HK2: variants seen among roughly 807,000 people sequenced by gnomAD.
HK2 encodes the protein hexokinase 2.
A neutral mutation model predicts 92.9 loss-of-function variants in HK2; 42 were observed. The ratio of observed to expected loss-of-function variants is 0.45; its 90% CI spans 0.35 to 0.58. The LOEUF is 0.58. HK2 is among the 20% of genes least tolerant of loss of function. HK2 has a pLI of 0.00. For synonymous variants in HK2, 422 were observed against 468.0 expected, an observed-to-expected ratio of 0.90 and a Z score of 1.27; for missense variants, 978 against 1,245.1, an observed-to-expected ratio of 0.79 and a Z score of 3.23.
intron 3 of HK2, among the ~76,000 whole-genome samples, chr2:74,868,818 G>T (rs189247212): frequency 4.3e-4 from 66 of 152,232 alleles, no homozygotes; most frequent in African/African-American, 1.5e-3. Context: ...GACTTGTAAC[G>T]TGATGGTGAC....
At chr2:74,880,934 G>T (rs947471876) in intron 10 of HK2, among the ~76,000 whole-genome samples, 2 of 152,246 alleles carry the variant, frequency 1.3e-5, no homozygotes, top group Non-Finnish European at 2.9e-5. Context: ...ACTAGAAAAT[G>T]TCGGAGCTGG....
At chr2:74,879,898 C>T (rs1689338724) in intron 9 of HK2, among the ~76,000 whole-genome samples, 1 of 152,214 alleles carries the variant, frequency 6.6e-6, no homozygotes, top group Non-Finnish European at 1.5e-5. Flanking sequence ...ATCAGAACCA[C>T]CTAATACCAC....
intron 9 of HK2, among the ~76,000 whole-genome samples, chr2:74,879,713 C>T (rs1464395583): frequency 6.6e-6 from 1 of 152,218 alleles, no homozygotes; most frequent in African/African-American, 2.4e-5. Flanking sequence ...GGCCACTACC[C>T]AGAGAGTTCC....
At position 74,873,836 on chromosome 2, in the gene HK2, C is replaced by T; in HGVS notation, c.592-8C>T. ...TGAAGGTCAGAGCCCTCCCATTTGT[C>T]TCCACAGGACTTTGATATCGACATT... On this transcript the variant is annotated splice_region_variant and splice_polypyrimidine_tract_variant and intron_variant, in intron 5 of 17. Transcript: ENST00000290573. 1.9e-6 allele frequency: 3 copies of T among 1,609,372 alleles called. No individual in the cohort carries two copies. The highest frequency in any genetic ancestry group is 1.7e-6 in the Non-Finnish European group (2 of 1,175,796).
intron 16 of HK2, among the ~76,000 whole-genome samples, 187 bp downstream of exon 16, chr2:74,888,245 G>A (rs758759335): frequency 2.0e-5 from 3 of 152,228 alleles, no homozygotes; most frequent in Non-Finnish European, 1.5e-5. Context: ...GGCAAACAGA[G>A]CATTCTCATG....
intron 1 of HK2, among the ~76,000 whole-genome samples, chr2:74,839,736 C>T (rs1348905294): frequency 6.6e-6 from 1 of 151,654 alleles, no homozygotes; most frequent in Non-Finnish European, 1.5e-5. Context: ...TGGCTCACTG[C>T]AACCTCCACC....
At chr2:74,841,041 C>G (rs1558786658) in intron 1 of HK2, among the ~76,000 whole-genome samples, 1 of 152,136 alleles carries the variant, frequency 6.6e-6, no homozygotes, top group Non-Finnish European at 1.5e-5. Context: ...GCAGTTTTCT[C>G]AGCCTTGGTG....
intron 17 of HK2, among the ~76,000 whole-genome samples, chr2:74,889,952 T>A (rs1689635793): frequency 6.6e-6 from 1 of 152,082 alleles, no homozygotes; most frequent in Non-Finnish European, 1.5e-5. Context: ...CCTTTGAGTA[T>A]GTTGTTTTTT....
chr2:74,893,032 CTTTT>C lies in HK2; in HGVS notation c.*2104_*2107del, dbSNP rs58293122. ...ATTAGGTACTATCTGTGAAGTTACA[CTTTT>C]TTTTTTTTTTTTAAAGGTAGAGATG... On this transcript the variant is annotated 3_prime_UTR_variant, in exon 18 of 18. Transcript: ENST00000290573. 7.0e-6 allele frequency: 1 copy of C among 143,586 alleles called. No homozygotes were observed. Among genetic ancestry groups the C allele is most frequent in the Non-Finnish European group, 1.5e-5 (1 of 65,544 alleles). 8.9% of individuals were successfully genotyped at this position (143,586 alleles called of 1,614,324 possible).
At chr2:74,836,482 A>G (rs1051589641) in intron 1 of HK2, among the ~76,000 whole-genome samples, 12 of 152,210 alleles carry the variant, frequency 7.9e-5, no homozygotes, top group Non-Finnish European at 1.3e-4. Context: ...GAAATGCAAT[A>G]ATAACAGTAG....
chr2:74,843,703 C>G (rs1275711048), intron 1 of HK2, among the ~76,000 whole-genome samples: 1 of 152,202 alleles, frequency 6.6e-6, no homozygotes, highest in Non-Finnish European at 1.5e-5. Flanking sequence ...TTTTCCCAAT[C>G]CCTTCCTTCT....
At chr2:74,874,525 G>C (rs946319671) in intron 7 of HK2, 76 bp downstream of exon 7, 1 of 1,420,310 alleles carries the variant, frequency 7.0e-7, no homozygotes, top group African/African-American at 1.4e-5. Context: ...GGGCCAGGGG[G>C]TTGTTTCTTT....
intron 10 of HK2, among the ~76,000 whole-genome samples, chr2:74,881,508 A>T (rs573275887): frequency 1.3e-5 from 2 of 152,332 alleles, no homozygotes; most frequent in Admixed American, 1.3e-4. Flanking sequence ...TTGTCCAACA[A>T]GGGAGGGTTT....
rs750108965 is a variant in HK2 at position 74,889,339 on chromosome 2, A to G, written c.2470A>G (p.Thr824Ala). 4 of 1,614,204 alleles carry G rather than the reference A, an allele frequency of 2.5e-6. No individual in the cohort carries two copies. Among genetic ancestry groups the G allele is most frequent in the Admixed American group, 1.7e-5 (1 of 60,030 alleles). Residue 824 changes from threonine (T) to alanine (A), a missense_variant, in exon 17 of 18, where the codon ACT becomes GCT. Thr to Ala is a moderately conservative substitution (Grantham distance 58, BLOSUM62 0). Around this residue, in one of 3 missense-constraint regions of HK2, gnomAD observed 742 missense variants for 922.5 expected, o/e 0.80. Transcript: ENST00000290573. ...DDSIIVKEVC[T>A]VVARRAAQLC... ...CAGCATCATTGTTAAGGAGGTGTGC[A>G]CTGTGGTGGCCCGGCGGGCAGCCCA...
chr2:74,840,962 A>C (rs1025450447), intron 1 of HK2, among the ~76,000 whole-genome samples: 13 of 150,676 alleles, frequency 8.6e-5, no homozygotes, highest in African/African-American at 3.2e-4. Flanking sequence ...ACACGTCTTC[A>C]TATCACACTC....
chr2:74,885,384 G>A (rs531128047), intron 12 of HK2, 110 bp from the exon 13 acceptor site: 1 of 764,028 alleles, frequency 1.3e-6, no homozygotes, highest in Admixed American at 1.9e-5. Flanking sequence ...GGTGACTCTG[G>A]GGGATCCGTC....
At chr2:74,887,467 G>T (rs1243906621) in intron 15 of HK2, among the ~76,000 whole-genome samples, 1 of 152,052 alleles carries the variant, frequency 6.6e-6, no homozygotes, top group East Asian at 1.9e-4. Flanking sequence ...AGTTACTTGA[G>T]TAATGATGGT....
At chr2:74,870,968 C>G (rs1438471046) in intron 3 of HK2, among the ~76,000 whole-genome samples, 1 of 152,210 alleles carries the variant, frequency 6.6e-6, no homozygotes. Flanking sequence ...TCCTGGGTCC[C>G]TCCTGCTGAC....
intron 1 of HK2, among the ~76,000 whole-genome samples, chr2:74,836,509 G>T (rs1688169890): frequency 6.6e-6 from 1 of 152,224 alleles, no homozygotes; most frequent in Admixed American, 6.5e-5. Flanking sequence ...CCACTTTATG[G>T]AGTTGCGATT....
Sources: gnomAD v4.1 joint callset for allele counts (sites outside exome capture counted in the v4.1 genomes callset) on GRCh38, gnomAD v4.1.1 for gene constraint, gnomAD v4.1.1 regional missense constraint, MANE v1.5 for transcripts, NCBI Gene and HGNC (gene_info 2026-07-23, HGNC 2026-07-21) for gene names.